Variants in EPC1 observed in about 807,000 individuals in gnomAD.
The protein encoded by EPC1 is enhancer of polycomb homolog 1.
In EPC1, 12 loss-of-function variants were observed where a neutral mutation model predicts 98.4. The ratio of observed to expected loss-of-function variants is 0.12; its 90% CI spans 0.08 to 0.20. The LOEUF is 0.20. EPC1 is among the 10% of genes least tolerant of loss of function. The pLI is 1.00. For synonymous variants in EPC1, 357 were observed against 363.9 expected (o/e 0.98, Z 0.21); for missense variants, 729 against 990.5 (o/e 0.74, Z 3.54).
rs755817235 is a variant in EPC1, at chr10:32,273,237, G to C, written c.1789C>G (p.Leu597Val). 6.2e-7 allele frequency: 1 copy of C among 1,613,824 alleles called. No homozygotes were observed. Among genetic ancestry groups the C allele is most frequent in the Non-Finnish European group, 8.5e-7 (1 of 1,179,684 alleles). Residue 597 changes from leucine (L) to valine (V), a missense_variant, in exon 11 of 14, where the codon CTC becomes GTC. This residue lies in a region of EPC1 where 390 missense variants were observed against 438.6 expected (regional missense o/e 0.89). Coordinates refer to ENST00000319778, the MANE Select transcript of EPC1 (RefSeq NM_001272004.3). ...TGTGCAAGCTGCTGTTTCTGCATGA[G>C]TGCCAGTTGCTGTTGATGTTGCTGG... ...QYQQHQQQLA[L>V]MQKQQLAQIQ... is the part of the protein sequence containing the mutation.
At chr10:32,302,670 G>A (rs1239603750) in intron 2 of EPC1, among the ~76,000 whole-genome samples, 2 of 143,572 alleles carry the variant, frequency 1.4e-5, no homozygotes, top group Non-Finnish European at 1.5e-5. Flanking sequence ...AAAAAGGAGG[G>A]TGGGGGAGCG....
intron 2 of EPC1, among the ~76,000 whole-genome samples, chr10:32,293,966 A>C (rs1210249424): frequency 6.6e-6 from 1 of 152,232 alleles, no homozygotes; most frequent in Non-Finnish European, 1.5e-5. Flanking sequence ...ATAAAAGACA[A>C]TGGATGCGAC....
chr10:32,284,705 T>C lies in EPC1; in HGVS notation c.1737A>G (p.Ala579=), dbSNP rs758509094. ...CATTAACAGTCAACATACCAAAGTG[T>C]GCTGAACCACTGCTACTTTTACTTT... The part of the protein sequence containing the change: ...STQSKSSSGS[A]HFAFTAEQYQ... Residue 579 remains alanine, a synonymous_variant, in exon 10 of 14, where the codon GCA becomes GCG. Coordinates refer to ENST00000319778, the MANE Select transcript of EPC1 (RefSeq NM_001272004.3). The C allele has an allele frequency of 6.2e-7, 1 of 1,611,702 alleles. No homozygotes were observed. The highest frequency in any genetic ancestry group is 1.7e-5 in the Admixed American group (1 of 59,960).
At chr10:32,348,407 T>C (rs116465327), upstream of EPC1, among the ~76,000 whole-genome samples, 646 of 152,310 alleles carry the variant, frequency 4.2e-3, 6 homozygotes, top group African/African-American at 0.015. Flanking sequence ...AAAAATGTTT[T>C]GAGTTGCTTT....
intron 1 of EPC1, among the ~76,000 whole-genome samples, chr10:32,360,715 G>A (rs142120378): frequency 0.012 from 1,797 of 152,180 alleles, 40 homozygotes; most frequent in African/African-American, 0.041. Context: ...CTAACATGGT[G>A]AAACCCCGTC....
rs746048542 is a variant in EPC1, at chr10:32,293,135, T to G, written c.519A>C (p.Glu173Asp). The G allele has an allele frequency of 6.2e-7, 1 of 1,613,542 alleles. No individual in the cohort carries two copies. The highest frequency in any genetic ancestry group is 8.5e-7 in the Non-Finnish European group (1 of 1,179,702). Residue 173 changes from glutamate to aspartate, a missense_variant, in exon 4 of 14, where the codon GAA becomes GAC. This residue lies in a region of EPC1 where 94 missense variants were observed against 125.1 expected (regional missense o/e 0.75). Transcript: ENST00000319778. Reference protein sequence around the residue: ...LLKEDDELIREVYEYWIKKRK... With the variant: ...LLKEDDELIRDVYEYWIKKRK... ...TCTTTTTAATCCAATATTCATAAAC[T>G]TCTCTAATTAGTTCATCATCTTCTT...
At chr10:32,289,686 C>T (rs1038736633) in intron 6 of EPC1, among the ~76,000 whole-genome samples, 3 of 151,288 alleles carry the variant, frequency 2.0e-5, no homozygotes, top group Non-Finnish European at 2.9e-5. Context: ...TGCAGTGGCG[C>T]GATCTCGGCT....
intron 1 of EPC1, among the ~76,000 whole-genome samples, chr10:32,331,815 T>C (rs1837658556): frequency 6.6e-6 from 1 of 152,244 alleles, no homozygotes; most frequent in African/African-American, 2.4e-5. Flanking sequence ...TAAGTCAACA[T>C]GATGTACAAG....
At chr10:32,333,048 A>C (rs999478680) in intron 1 of EPC1, among the ~76,000 whole-genome samples, 9 of 152,118 alleles carry the variant, frequency 5.9e-5, no homozygotes, top group Admixed American at 2.0e-4. Context: ...TCATATAAAA[A>C]CCAGAAATTT....
intron 5 of EPC1, 28 bp downstream of exon 5, chr10:32,292,467 TC>T: frequency 1.4e-6 from 2 of 1,479,726 alleles, no homozygotes; most frequent in Non-Finnish European, 1.8e-6. Context: ...GCACTATACT[TC>T]CTCTAACATT....
At chr10:32,316,338 G>A (rs1431603931) in intron 1 of EPC1, among the ~76,000 whole-genome samples, 1 of 152,086 alleles carries the variant, frequency 6.6e-6, no homozygotes, top group African/African-American at 2.4e-5. Flanking sequence ...CAAGAGAAAG[G>A]AAAACACAAG....
intron 1 of EPC1, chr10:32,345,762 A>C (rs2133059315): frequency 9.9e-4 from 283 of 287,060 alleles, no homozygotes; most frequent in Non-Finnish European, 1.4e-3. Flanking sequence ...TAGACATCTC[A>C]ATATTAAGAT....
chr10:32,310,971 T>C (rs1245473621), intron 1 of EPC1, among the ~76,000 whole-genome samples: 2 of 152,124 alleles, frequency 1.3e-5, no homozygotes, highest in Non-Finnish European at 2.9e-5. Context: ...TGTCATGATA[T>C]ATGCAACATA....
intron 1 of EPC1, among the ~76,000 whole-genome samples, chr10:32,352,668 T>C (rs745457850): frequency 5.3e-5 from 8 of 152,170 alleles, no homozygotes; most frequent in Non-Finnish European, 8.8e-5. Flanking sequence ...TGAGCTCCTA[T>C]TATGCTTTCA....
intron 1 of EPC1, among the ~76,000 whole-genome samples, chr10:32,331,068 G>A (rs928489042): frequency 4.0e-5 from 6 of 151,474 alleles, no homozygotes; most frequent in South Asian, 2.1e-4. Context: ...TATATTTCAG[G>A]GTATACAGAA....
rs201141281 is a variant in EPC1 at position 32,375,847 on chromosome 10, GAGTT to G, written c.3+2640_3+2643del. The stretch of plus-strand genomic sequence containing the variant: ...CTAGCAACTGTTACCATGAAAGACT[GAGTT>G]AGTTCTCTATCTGCTAAATTTAATA... On this transcript the variant is annotated intron_variant, in intron 1 of 13. Transcript: ENST00000375110. 8.2e-3 allele frequency among the ~76,000 whole-genome samples: 1,243 copies of G among 152,070 alleles called. 20 individuals are homozygous for G. Among genetic ancestry groups the G allele is most frequent in the African/African-American group, 0.027 (1,110 of 41,536 alleles).
intron 10 of EPC1, among the ~76,000 whole-genome samples, chr10:32,280,447 T>C (rs1836347751): frequency 6.7e-6 from 1 of 149,852 alleles, no homozygotes; most frequent in South Asian, 2.1e-4. Flanking sequence ...TGAAACTGTA[T>C]CTCAAAAAAA....
At chr10:32,326,081 C>CA (rs944509881) in intron 1 of EPC1, among the ~76,000 whole-genome samples, 7 of 151,998 alleles carry the variant, frequency 4.6e-5, no homozygotes, top group East Asian at 1.9e-4. Context: ...CAAAGATCTC[C>CA]AAAAAACAAA....
intron 1 of EPC1, among the ~76,000 whole-genome samples, chr10:32,333,474 AT>A (rs1837764303): frequency 6.6e-6 from 1 of 152,192 alleles, no homozygotes; most frequent in South Asian, 2.1e-4. Context: ...ATGAGAAGAT[AT>A]AAATTAAATC....
Sources: allele counts gnomAD v4.1 joint callset (sites outside exome capture counted in the v4.1 genomes callset), GRCh38; gene constraint gnomAD v4.1.1; regional missense constraint gnomAD v4.1.1; transcripts MANE v1.5; gene names NCBI Gene and HGNC (gene_info 2026-07-23, HGNC 2026-07-21).